Variants in KIF26B observed in about 807,000 individuals in gnomAD.
The protein encoded by KIF26B is kinesin family member 26B, also known as kinesin-like protein KIF26B.
Under a neutral mutation model 151.2 loss-of-function variants are expected in KIF26B, and 63 were observed. The ratio of observed to expected loss-of-function variants is 0.42; its 90% CI spans 0.34 to 0.51. The LOEUF (loss-of-function observed/expected upper bound fraction) is 0.51, where lower values mean the gene tolerates loss of function less well. KIF26B is among the 20% of genes least tolerant of loss of function. The pLI is 0.07. For synonymous variants in KIF26B, 1,357 were observed against 1,262.1 expected, an observed-to-expected ratio of 1.08 and a Z score of -1.59; for missense variants, 2,813 against 2,913.6, an observed-to-expected ratio of 0.97 and a Z score of 0.79.
At chr1:245,447,231 A>G (rs954972982) in intron 4 of KIF26B, among the ~76,000 whole-genome samples, 3 of 152,170 alleles carry the variant, frequency 2.0e-5, no homozygotes, top group Admixed American at 1.3e-4. Context: ...GGTGCTTTGC[A>G]CAAAGTCACT....
chr1:245,192,722 T>C (rs1425987880), intron 2 of KIF26B, among the ~76,000 whole-genome samples: 2 of 152,232 alleles, frequency 1.3e-5, no homozygotes, highest in East Asian at 3.8e-4. Flanking sequence ...AGGCCTGAGT[T>C]TGTGAACTCT....
intron 2 of KIF26B, among the ~76,000 whole-genome samples, chr1:245,342,760 CAT>C (rs1672360921): frequency 6.6e-6 from 1 of 152,050 alleles, no homozygotes; most frequent in Non-Finnish European, 1.5e-5. Context: ...GTCAACCTGA[CAT>C]AGGATTTGGA....
In KIF26B at chr1:245,698,238, C is replaced by G. The variant is rs201343588; in HGVS notation, c.5957C>G (p.Pro1986Arg). ...LRSSPRGLGE[P>R]FEIKVYEIDD... ...AGCAGCCCGAGGGGCCTTGGGGAAC[C>G]CTTTGAGATTAAAGTCTATGAAATC... The change falls in exon 13 of 15, where the codon CCC becomes CGC. Residue 1986 changes from proline to arginine, a missense_variant. Pro to Arg is a moderately radical substitution (Grantham distance 103, BLOSUM62 -2). This residue lies in a region of KIF26B where 2,060 missense variants were observed against 2,088.6 expected (regional missense o/e 0.99). Transcript: ENST00000407071. This position sits in a 1 kb window ranked among gnomAD's most constrained non-coding sequence, Gnocchi z 4.0. 5 of 1,613,824 alleles carry G rather than the reference C, an allele frequency of 3.1e-6. No individual in the cohort carries two copies. The highest frequency in any genetic ancestry group is 4.2e-6 in the Non-Finnish European group (5 of 1,179,782).
intron 5 of KIF26B, among the ~76,000 whole-genome samples, chr1:245,579,478 A>G (rs2103128364): frequency 6.6e-6 from 1 of 152,144 alleles, no homozygotes; most frequent in South Asian, 2.1e-4. Flanking sequence ...AGCCTGAGCG[A>G]CAGAGCTAGA....
chr1:245,269,960 C>G (rs1229990123), intron 2 of KIF26B, among the ~76,000 whole-genome samples: 1 of 152,042 alleles, frequency 6.6e-6, no homozygotes, highest in African/African-American at 2.4e-5. Context: ...GAATAAATAC[C>G]CAGAGGTGGG....
chr1:245,235,788 C>A (rs1346897157), intron 2 of KIF26B, among the ~76,000 whole-genome samples: 1 of 152,136 alleles, frequency 6.6e-6, no homozygotes, highest in Non-Finnish European at 1.5e-5. Context: ...TAAGCAGGAA[C>A]AGTGTGTACA....
intron 4 of KIF26B, among the ~76,000 whole-genome samples, chr1:245,446,917 A>C (rs1659261603): frequency 6.6e-6 from 1 of 152,136 alleles, no homozygotes; most frequent in Non-Finnish European, 1.5e-5. Flanking sequence ...AGGTTCCATG[A>C]TTTGGGAAGT....
At chr1:245,545,797 A>C (rs993568601) in intron 5 of KIF26B, among the ~76,000 whole-genome samples, 2 of 71,462 alleles carry the variant, frequency 2.8e-5, no homozygotes, top group African/African-American at 8.5e-5. Flanking sequence ...TGCTTCTCCT[A>C]AGTCAGTTCT....
At chr1:245,437,368 A>G (rs1428331759) in intron 4 of KIF26B, among the ~76,000 whole-genome samples, 1 of 152,218 alleles carries the variant, frequency 6.6e-6, no homozygotes, top group Admixed American at 6.5e-5. Flanking sequence ...AGAGAATCCC[A>G]TATCATTTGT....
At chr1:245,430,818 ACAGAGGG>A (rs1321310781) in intron 4 of KIF26B, among the ~76,000 whole-genome samples, 28 of 152,324 alleles carry the variant, frequency 1.8e-4, no homozygotes, top group African/African-American at 6.3e-4. Flanking sequence ...AAACTGAAGC[ACAGAGGG>A]CAGAAGTAAG....
At chr1:245,444,027 T>C (rs78328774) in intron 4 of KIF26B, among the ~76,000 whole-genome samples, 81 of 89,458 alleles carry the variant, frequency 9.1e-4, no homozygotes, top group African/African-American at 1.2e-3. Context: ...TCACTGTTCA[T>C]CTAGAGGAGA....
intron 4 of KIF26B, among the ~76,000 whole-genome samples, chr1:245,473,628 C>T (rs1055616144): frequency 2.6e-5 from 4 of 151,770 alleles, no homozygotes; most frequent in Admixed American, 2.0e-4. Context: ...ACTCAGTGCC[C>T]GCAACTGTTA....
At chr1:245,497,286 G>A (rs534780624) in intron 4 of KIF26B, among the ~76,000 whole-genome samples, 77 of 152,156 alleles carry the variant, frequency 5.1e-4, no homozygotes, top group Middle Eastern at 3.4e-3. Context: ...GATAGAACAG[G>A]CAGACAAAAA....
intron 4 of KIF26B, among the ~76,000 whole-genome samples, chr1:245,439,306 C>T (rs1404921285): frequency 7.0e-6 from 1 of 142,012 alleles, no homozygotes; most frequent in African/African-American, 2.6e-5. Context: ...ATGATTGTAC[C>T]ACTGTACTCG....
At chr1:245,584,279 T>C (rs1380440909) in intron 5 of KIF26B, among the ~76,000 whole-genome samples, 1 of 152,224 alleles carries the variant, frequency 6.6e-6, no homozygotes, top group African/African-American at 2.4e-5. Flanking sequence ...GCTGAGCAGA[T>C]GCCAGTGTCA....
At chr1:245,522,540 G>A (rs531217536) in intron 4 of KIF26B, among the ~76,000 whole-genome samples, 6 of 152,284 alleles carry the variant, frequency 3.9e-5, no homozygotes, top group African/African-American at 1.4e-4. Flanking sequence ...GCAGACACAT[G>A]GTTGACATAA....
chr1:245,476,118 C>G (rs1410994952), intron 4 of KIF26B, among the ~76,000 whole-genome samples: 5 of 151,864 alleles, frequency 3.3e-5, no homozygotes, highest in African/African-American at 1.2e-4. Context: ...GTGGATGGAC[C>G]TTGTAAACGT....
At chr1:245,617,184 C>T (rs1392223508) in intron 9 of KIF26B, among the ~76,000 whole-genome samples, 1 of 152,238 alleles carries the variant, frequency 6.6e-6, no homozygotes, top group African/African-American at 2.4e-5. Flanking sequence ...CAACTTCCAC[C>T]TCCTGGGTTC....
At chr1:245,680,023 G>T (rs75999372) in intron 10 of KIF26B, among the ~76,000 whole-genome samples, 2,075 of 152,224 alleles carry the variant, frequency 0.014, 25 homozygotes, top group East Asian at 0.059. Context: ...GGCCCTGCAC[G>T]CTTCTTCCTC....
Sources: gnomAD v4.1 joint callset for allele counts (sites outside exome capture counted in the v4.1 genomes callset) on GRCh38, gnomAD v4.1.1 for gene constraint, gnomAD v4.1.1 regional missense constraint, Gnocchi (gnomAD v3.1) non-coding constraint, MANE v1.5 for transcripts, NCBI Gene and HGNC (gene_info 2026-07-23, HGNC 2026-07-21) for gene names.